SYTL2: variants seen among roughly 807,000 people sequenced by gnomAD.
SYTL2 encodes synaptotagmin-like protein 2.
In SYTL2, 165 loss-of-function variants were observed where a neutral mutation model predicts 198.7. The ratio of observed to expected loss-of-function variants is 0.83; its 90% CI spans 0.73 to 0.94. SYTL2 has a LOEUF of 0.94. Among genes scored for constraint, SYTL2 ranks in the 40% least tolerant of loss-of-function variants. The pLI, the probability that SYTL2 is intolerant of heterozygous loss-of-function variation, is 0.00. For synonymous variants in SYTL2, 966 were observed against 917.7 expected (o/e 1.05, Z -0.95); for missense variants, 2,835 against 2,582.8 (o/e 1.10, Z -2.12).
the SYTL2 span, among the ~76,000 whole-genome samples, chr11:85,847,243 G>C: frequency 1.3e-5 from 2 of 152,014 alleles, no homozygotes; most frequent in Admixed American, 1.3e-4. Context: ...CCTGAGCTCA[G>C]GGCCATCACT....
chr11:85,720,710 A>G, intron 9 of SYTL2, 148 bp downstream of exon 9: 3 of 531,080 alleles, frequency 5.6e-6, no homozygotes, highest in Non-Finnish European at 1.0e-5. Context: ...GAGCCTCTTC[A>G]GCGCACTTTG....
Position 85,756,402 on chromosome 11 carries a change from T to A in SYTL2, c.101+1223A>T, listed in dbSNP as rs566765334. ...CACACCATGACAGCCAGCCCCTTCC[T>A]CCATTGCCAGGTCCTGGGATGGCCT... On this transcript the variant is annotated intron_variant, in intron 2 of 19. Transcript: ENST00000359152. Among the ~76,000 whole-genome samples, 7 of 152,278 alleles carry A rather than the reference T, an allele frequency of 4.6e-5. No individual in the cohort carries two copies. In the South Asian group the frequency reaches 1.5e-3, roughly 32 times the overall value.
upstream of SYTL2, among the ~76,000 whole-genome samples, chr11:85,815,208 G>A (rs1448005273): frequency 6.6e-6 from 1 of 152,144 alleles, no homozygotes; most frequent in Admixed American, 6.5e-5. Context: ...CAATGAAAAA[G>A]TAAAAGAACC....
At chr11:85,822,898 G>T in the SYTL2 span, among the ~76,000 whole-genome samples, 2 of 152,250 alleles carry the variant, frequency 1.3e-5, no homozygotes, top group African/African-American at 4.8e-5. Flanking sequence ...GACTTCCCAA[G>T]CAAGCACTTG....
chr11:85,789,348 A>ATATATATATATATATATATATATATG (rs2092690193), intron 1 of SYTL2, among the ~76,000 whole-genome samples: 1 of 57,854 alleles, frequency 1.7e-5, no homozygotes, highest in Non-Finnish European at 3.2e-5. Context: ...GTGTATATAT[A>ATATATATATATATATATATATATATG]TATATATATA....
the SYTL2 span, among the ~76,000 whole-genome samples, chr11:85,820,235 A>C: frequency 6.6e-6 from 1 of 152,390 alleles, no homozygotes; most frequent in East Asian, 1.9e-4. Context: ...TGTAAATACT[A>C]AATTTTTAAA....
intron 4 of SYTL2, 104 bp downstream of exon 4, chr11:85,745,533 G>T: frequency 7.6e-7 from 1 of 1,318,348 alleles, no homozygotes. Flanking sequence ...CCATGCCCAT[G>T]ACCCCAGTCT....
intron 14 of SYTL2, among the ~76,000 whole-genome samples, chr11:85,708,836 G>GT (rs1565873217): frequency 1.1e-4 from 7 of 64,268 alleles, no homozygotes; most frequent in Admixed American, 4.7e-4. Context: ...GCTTCTCTGT[G>GT]ATTTTTTTTT....
intron 12 of SYTL2, among the ~76,000 whole-genome samples, chr11:85,713,849 G>C (rs1413263297): frequency 6.6e-6 from 1 of 152,154 alleles, no homozygotes; most frequent in Non-Finnish European, 1.5e-5. Context: ...CTGTGCTCCA[G>C]TCCTGGTTGA....
intron 8 of SYTL2, among the ~76,000 whole-genome samples, chr11:85,721,862 G>C (rs952640745): frequency 7.2e-5 from 11 of 152,188 alleles, no homozygotes; most frequent in African/African-American, 2.6e-4. Flanking sequence ...CCTTCTCTGT[G>C]CATAATGGCC....
Position 85,726,027 on chromosome 11 carries a change from C to T in SYTL2, c.3331G>A (p.Glu1111Lys), listed in dbSNP as rs761586299. Residue 1111 changes from glutamate to lysine, a missense_variant, in exon 8 of 20, where the codon GAA becomes AAA. Glu to Lys is a moderately conservative substitution (Grantham distance 56, BLOSUM62 1). This residue lies in a region of SYTL2 where 2,645 missense variants were observed against 2,381.7 expected (regional missense o/e 1.11). Coordinates refer to ENST00000359152, the MANE Select transcript of SYTL2 (RefSeq NM_206927.4). ...ATTATGGATTCTTGAATCTCTTGTT[C>T]TGAGTAATCCTTTTCTTCCTTAAAC... ...PVFKEEKDYS[E>K]QEIQESIIKT... 2.5e-6 allele frequency: 4 copies of T among 1,612,878 alleles called. No homozygotes were observed. Among genetic ancestry groups the T allele is most frequent in the African/African-American group, 2.7e-5 (2 of 74,942 alleles).
In SYTL2 at chr11:85,727,817, G is replaced by C. The variant is rs779668477; in HGVS notation, c.1541C>G (p.Ser514Ter). 1 of 1,608,896 alleles carries C rather than the reference G, an allele frequency of 6.2e-7. No homozygotes were observed. The highest frequency in any genetic ancestry group is 1.1e-5 in the South Asian group (1 of 89,970). ...SGPYATEIKK[S>*]TDDSIFKVLD... ...AACTTTAAATATGGAATCATCAGTTGACTTCTTTATCTCAGTGGCATATGG... is the reference window on the plus strand; with the variant it reads ...AACTTTAAATATGGAATCATCAGTTCACTTCTTTATCTCAGTGGCATATGG... Residue 514 changes from serine to a stop codon, truncating the protein, a stop_gained, in exon 8 of 20, where the codon TCA (serine) becomes TGA (stop). Transcript: ENST00000359152. LOFTEE classifies it high-confidence loss of function.
At chr11:85,843,813 A>ATAT in the SYTL2 span, among the ~76,000 whole-genome samples, 1 of 152,194 alleles carries the variant, frequency 6.6e-6, no homozygotes, top group Non-Finnish European at 1.5e-5. Flanking sequence ...GAAGTATGCA[A>ATAT]TATTATGTCC....
chr11:85,834,486 G>A, the SYTL2 span, among the ~76,000 whole-genome samples: 1 of 151,974 alleles, frequency 6.6e-6, no homozygotes, highest in Non-Finnish European at 1.5e-5. Flanking sequence ...GTTTATTACA[G>A]ACAGTCCTCA....
At chr11:85,715,808 T>C (rs551372949) in intron 11 of SYTL2, among the ~76,000 whole-genome samples, 1 of 152,288 alleles carries the variant, frequency 6.6e-6, no homozygotes, top group Non-Finnish European at 1.5e-5. Context: ...CACAATATGG[T>C]CCAATGAGAA....
intron 4 of SYTL2, among the ~76,000 whole-genome samples, chr11:85,740,534 G>A (rs755038828): frequency 2.6e-5 from 4 of 152,142 alleles, no homozygotes; most frequent in Non-Finnish European, 5.9e-5. Flanking sequence ...TTTTTCCTAA[G>A]AGAATACAGA....
chr11:85,733,270 AT>A lies in SYTL2; in HGVS notation c.1390+668del, dbSNP rs551557548. Among the ~76,000 whole-genome samples, 120 of 152,318 alleles carry A rather than the reference AT, an allele frequency of 7.9e-4. No individual in the cohort carries two copies. The South Asian group carries it at 0.023, about 29-fold the overall frequency. Reference sequence around the variant, plus strand: ...ATTTGCATTAGGTGAGTAATAATACATTTACCCTGTACAAAGGTATTAGCTA... The same window carrying A: ...ATTTGCATTAGGTGAGTAATAATACATTACCCTGTACAAAGGTATTAGCTA... On this transcript the variant is annotated intron_variant, in intron 7 of 19. Transcript: ENST00000359152.
chr11:85,748,190 G>C, intron 3 of SYTL2, 82 bp downstream of exon 3: 2 of 1,446,300 alleles, frequency 1.4e-6, no homozygotes, highest in African/African-American at 1.4e-5. Context: ...TCCATCAGCA[G>C]ATTTCTGACA....
the SYTL2 span, among the ~76,000 whole-genome samples, chr11:85,833,721 G>A: frequency 4.8e-5 from 7 of 145,782 alleles, no homozygotes; most frequent in Admixed American, 2.8e-4. Flanking sequence ...CCTTTGAGTC[G>A]AAGATTTCTT....
Sources: allele counts gnomAD v4.1 joint callset (sites outside exome capture counted in the v4.1 genomes callset), GRCh38; gene constraint gnomAD v4.1.1; regional missense constraint gnomAD v4.1.1; transcripts MANE v1.5; gene names NCBI Gene and HGNC (gene_info 2026-07-23, HGNC 2026-07-21).